The following ZNF674 variants were observed in gnomAD, a reference collection of about 807,000 sequenced individuals.
ZNF674 encodes zinc finger protein 674.
A neutral mutation model predicts 7.0 loss-of-function variants in ZNF674; 2 were observed. The ratio of observed to expected loss-of-function variants is 0.29; its 90% CI spans 0.12 to 0.90. The LOEUF is 0.90. Among genes scored for constraint, ZNF674 ranks in the 40% least tolerant of loss-of-function variants. The pLI is 0.57. For synonymous variants in ZNF674, 103 were observed against 145.2 expected, an observed-to-expected ratio of 0.71 and a Z score of 2.09; for missense variants, 297 against 415.5, an observed-to-expected ratio of 0.71 and a Z score of 2.48.
chrX:46,532,469 TAG>T (rs369820564), intron 3 of ZNF674, among the ~76,000 whole-genome samples: 157 of 111,898 alleles, frequency 1.4e-3, no homozygotes, highest in Middle Eastern at 4.6e-3. Flanking sequence ...AATTCATCAT[TAG>T]AGAGAGAGAA....
intron 5 of ZNF674, among the ~76,000 whole-genome samples, chrX:46,515,366 CAA>C (rs57262712): frequency 1.3e-4 from 9 of 68,811 alleles, no homozygotes; most frequent in Admixed American, 3.6e-4. Flanking sequence ...GAGACTCTCT[CAA>C]AAAAAAAAAA....
At chrX:46,506,162 GC>G (rs1941534118) in intron 5 of ZNF674, among the ~76,000 whole-genome samples, 1 of 111,999 alleles carries the variant, frequency 8.9e-6, no homozygotes, top group Non-Finnish European at 1.9e-5. Flanking sequence ...TGGGAACTTG[GC>G]TTGTGAAATA....
chrX:46,500,565 T>G lies in ZNF674; in HGVS notation c.1009A>C (p.Thr337Pro). Residue 337 changes from threonine to proline, a missense_variant, in exon 6 of 6, where the codon ACT becomes CCT. Coordinates refer to ENST00000683375, the MANE Select transcript of ZNF674 (RefSeq NM_001190417.2). ...CTTTGATATATAAGGCTGGACGTAG[T>G]ACATTTAATACCTTTATAAAATGCT... ...RQAFYKGIKC[T>P]TSSLIYQRIH... is the part of the protein sequence containing the mutation. 1.7e-6 allele frequency: 2 copies of G among 1,211,190 alleles called. No homozygotes were observed.
chrX:46,540,354 C>T (rs1216870973), intron 3 of ZNF674, among the ~76,000 whole-genome samples: 6 of 111,822 alleles, frequency 5.4e-5, no homozygotes, highest in Non-Finnish European at 7.5e-5. Flanking sequence ...TATTTTTTGC[C>T]TTTTCTTGAA....
chrX:46,519,272 AT>A (rs2031577071), intron 5 of ZNF674, among the ~76,000 whole-genome samples: 3 of 64,261 alleles, frequency 4.7e-5, no homozygotes, highest in African/African-American at 1.5e-4. Flanking sequence ...ATAAAGATAG[AT>A]GATAGATAGA....
intron 3 of ZNF674, among the ~76,000 whole-genome samples, chrX:46,539,597 G>C (rs1942256340): frequency 8.9e-6 from 1 of 112,844 alleles, no homozygotes; most frequent in African/African-American, 3.2e-5. Flanking sequence ...TTGCAAACAA[G>C]GTAGACCACT....
At chrX:46,510,728 T>G (rs992776028) in intron 5 of ZNF674, among the ~76,000 whole-genome samples, 20 of 110,629 alleles carry the variant, frequency 1.8e-4, no homozygotes, top group African/African-American at 6.6e-4. Flanking sequence ...GAGGCGGAGG[T>G]TGCAGTGAGC....
chrX:46,527,141 G>A (rs1456079713), intron 5 of ZNF674, among the ~76,000 whole-genome samples: 3 of 110,089 alleles, frequency 2.7e-5, no homozygotes, highest in Non-Finnish European at 5.7e-5. Flanking sequence ...GCGGGTGCCT[G>A]TAATCCCAGC....
At chrX:46,512,265 G>A (rs1173334581) in intron 5 of ZNF674, among the ~76,000 whole-genome samples, 1 of 110,569 alleles carries the variant, frequency 9.0e-6, no homozygotes, top group East Asian at 2.8e-4. Context: ...AGGAGGCTGA[G>A]GCAGGAGAAT....
chrX:46,506,027 A>G (rs1011935062), intron 5 of ZNF674, among the ~76,000 whole-genome samples: 2 of 112,047 alleles, frequency 1.8e-5, no homozygotes, highest in African/African-American at 6.5e-5. Context: ...AGGACACTCT[A>G]TGGTAACTCA....
Position 46,528,366 on chromosome X carries a change from C to T in ZNF674, c.222G>A (p.Pro74=). The change falls in exon 5 of 6, where the codon CCG becomes CCA. Residue 74 remains proline (P), a synonymous_variant. Transcript: ENST00000683375. ...DESWMADGGT[P]VRTCAEVWEV... ...TGTCCTCACCTGCACAGGTCCGTAC[C>T]GGGGTCCCTCCATCTGCCATCCAGG... 8.3e-7 allele frequency: 1 copy of T among 1,211,661 alleles called. No homozygotes were observed. Among genetic ancestry groups the T allele is most frequent in the Non-Finnish European group, 1.1e-6 (1 of 895,499 alleles).
intron 3 of ZNF674, among the ~76,000 whole-genome samples, chrX:46,536,112 T>C (rs191102815): frequency 8.9e-6 from 1 of 112,208 alleles, no homozygotes; most frequent in Non-Finnish European, 1.9e-5. Flanking sequence ...GAAATATTTA[T>C]GTGTACATAA....
At chrX:46,513,135 C>CG (rs757301087) in intron 5 of ZNF674, among the ~76,000 whole-genome samples, 2 of 109,130 alleles carry the variant, frequency 1.8e-5, no homozygotes, top group Admixed American at 2.0e-4. Context: ...TGGTGGCACA[C>CG]ACCTGTAGTC....
chrX:46,544,017 A>G (rs1442352127), intron 2 of ZNF674, among the ~76,000 whole-genome samples: 114 of 112,989 alleles, frequency 1.0e-3, no homozygotes, highest in Middle Eastern at 4.6e-3. Flanking sequence ...CAAGAGAAGG[A>G]AGCATGGGGG....
At chrX:46,530,801 C>T (rs1942095789) in intron 3 of ZNF674, among the ~76,000 whole-genome samples, 1 of 112,899 alleles carries the variant, frequency 8.9e-6, no homozygotes, top group Admixed American at 9.4e-5. Flanking sequence ...GAAAACCAGA[C>T]AGGATTAGAA....
At chrX:46,533,728 C>A (rs1200422023) in intron 3 of ZNF674, among the ~76,000 whole-genome samples, 2 of 99,770 alleles carry the variant, frequency 2.0e-5, no homozygotes, top group African/African-American at 7.4e-5. Context: ...CGCTTGTACC[C>A]GGGAGGTGGA....
chrX:46,516,798 A>G (rs892910047), intron 5 of ZNF674, among the ~76,000 whole-genome samples: 3 of 112,165 alleles, frequency 2.7e-5, no homozygotes, highest in Non-Finnish European at 5.6e-5. Context: ...GGAGTTCAGG[A>G]CCAACCTGGC....
At chrX:46,542,159 ACATAAGAT>A in intron 2 of ZNF674, 43 bp from the exon 3 acceptor site, 1 of 763,847 alleles carries the variant, frequency 1.3e-6, no homozygotes, top group South Asian at 3.1e-5. Context: ...GTGGGTATAG[ACATAAGAT>A]CATCATCACC....
At chrX:46,521,450 T>C (rs1341049826) in intron 5 of ZNF674, among the ~76,000 whole-genome samples, 1 of 110,066 alleles carries the variant, frequency 9.1e-6, no homozygotes, top group Non-Finnish European at 1.9e-5. Context: ...TGGTGGTGCA[T>C]GCCTGTAGTA....
Sources: gnomAD v4.1 joint callset for allele counts (sites outside exome capture counted in the v4.1 genomes callset) on GRCh38, gnomAD v4.1.1 for gene constraint, MANE v1.5 for transcripts, NCBI Gene and HGNC (gene_info 2026-07-23, HGNC 2026-07-21) for gene names.